The following FSTL5 variants were observed in gnomAD, a reference collection of about 807,000 sequenced individuals.
FSTL5 encodes follistatin-related protein 5.
FSTL5 carries 62 observed loss-of-function variants against 89.1 expected under a neutral mutation model. The ratio of observed to expected loss-of-function variants is 0.70; its 90% CI spans 0.57 to 0.86. The LOEUF (loss-of-function observed/expected upper bound fraction) is 0.86. Among genes scored for constraint, FSTL5 ranks in the 40% least tolerant of loss-of-function variants. The pLI, the probability that FSTL5 is intolerant of heterozygous loss-of-function variation, is 0.00. For synonymous variants in FSTL5, 383 were observed against 346.2 expected (o/e 1.11, Z -1.18); for missense variants, 1,057 against 1,001.6 (o/e 1.06, Z -0.75).
intron 3 of FSTL5, among the ~76,000 whole-genome samples, chr4:161,994,717 T>C (rs997847050): frequency 3.3e-5 from 5 of 152,228 alleles, no homozygotes; most frequent in African/African-American, 1.2e-4. Context: ...TCCTACTTTT[T>C]AATGAGGTGT....
chr4:161,654,047 T>G (rs1405084059), intron 7 of FSTL5, among the ~76,000 whole-genome samples: 3 of 152,072 alleles, frequency 2.0e-5, no homozygotes, highest in Non-Finnish European at 4.4e-5. Context: ...TCCAATAAAG[T>G]GTATTTGTGC....
chr4:161,685,796 A>G (rs13114274), intron 6 of FSTL5, among the ~76,000 whole-genome samples: 148,000 of 152,214 alleles, frequency 0.97, 72,093 homozygotes, highest in East Asian at 1. Context: ...CCAGTACTAT[A>G]TTGAAGAGGA....
At chr4:161,769,810 A>G (rs1741145540) in intron 5 of FSTL5, among the ~76,000 whole-genome samples, 2 of 151,980 alleles carry the variant, frequency 1.3e-5, no homozygotes, top group African/African-American at 4.8e-5. Context: ...AGTCCTAGCT[A>G]GAGCAATCAG....
chr4:161,500,825 A>G (rs558004466), intron 11 of FSTL5, among the ~76,000 whole-genome samples: 6 of 152,018 alleles, frequency 3.9e-5, no homozygotes, highest in Non-Finnish European at 8.8e-5. Context: ...ATCTCCCCCC[A>G]CTTTCTAAAT....
chr4:162,074,973 C>T (rs1315123247), intron 2 of FSTL5, among the ~76,000 whole-genome samples: 1 of 151,698 alleles, frequency 6.6e-6, no homozygotes, highest in Non-Finnish European at 1.5e-5. Flanking sequence ...TAGCTCATGT[C>T]ATTTATTGAA....
At chr4:161,620,620 C>A (rs935500860) in intron 7 of FSTL5, among the ~76,000 whole-genome samples, 3 of 152,110 alleles carry the variant, frequency 2.0e-5, no homozygotes, top group Non-Finnish European at 4.4e-5. Context: ...CGCGCCATTG[C>A]ACTCCAGCCT....
chr4:161,566,234 A>G (rs548985466), intron 8 of FSTL5, among the ~76,000 whole-genome samples: 214 of 150,618 alleles, frequency 1.4e-3, no homozygotes, highest in South Asian at 8.8e-3. Context: ...ACTGTAAGCA[A>G]TTATCCTAAG....
intron 10 of FSTL5, among the ~76,000 whole-genome samples, chr4:161,514,966 T>C (rs1730766843): frequency 6.6e-6 from 1 of 152,018 alleles, no homozygotes; most frequent in Admixed American, 6.6e-5. Flanking sequence ...TGTAGCAAAT[T>C]AAATGTAACA....
At chr4:161,715,822 C>T (rs1269472652) in intron 6 of FSTL5, among the ~76,000 whole-genome samples, 1 of 152,172 alleles carries the variant, frequency 6.6e-6, no homozygotes, top group East Asian at 1.9e-4. Context: ...ACTTATTCTA[C>T]ATCCAATCAA....
intron 4 of FSTL5, among the ~76,000 whole-genome samples, chr4:161,896,158 C>T (rs538601710): frequency 8.5e-5 from 13 of 152,242 alleles, no homozygotes; most frequent in East Asian, 5.8e-4. Flanking sequence ...ACTCTCAAAA[C>T]GACTGCCAAT....
chr4:161,692,625 G>A (rs55920117), intron 6 of FSTL5, among the ~76,000 whole-genome samples: 42,370 of 151,974 alleles, frequency 0.28, 6,625 homozygotes, highest in Middle Eastern at 0.41. Flanking sequence ...ATGTGTCCAG[G>A]GGGACAACCC....
chr4:161,684,342 G>A (rs1192886688), intron 6 of FSTL5, among the ~76,000 whole-genome samples: 2 of 152,126 alleles, frequency 1.3e-5, no homozygotes, highest in African/African-American at 2.4e-5. Flanking sequence ...GATCTTTAAG[G>A]AATTTCCACA....
chr4:161,938,697 T>C (rs764426556), intron 3 of FSTL5, among the ~76,000 whole-genome samples: 21 of 152,052 alleles, frequency 1.4e-4, no homozygotes, highest in Non-Finnish European at 2.9e-4. Flanking sequence ...TAAAGAAATA[T>C]TGGAATGTAT....
intron 2 of FSTL5, among the ~76,000 whole-genome samples, chr4:162,083,794 T>C (rs1403408868): frequency 6.6e-6 from 1 of 151,732 alleles, no homozygotes; most frequent in Non-Finnish European, 1.5e-5. Flanking sequence ...CTATGAAACA[T>C]TACTGAAAAC....
chr4:161,948,122 T>A (rs9996797), intron 3 of FSTL5, among the ~76,000 whole-genome samples: 48,594 of 147,898 alleles, frequency 0.33, 9,408 homozygotes, highest in Non-Finnish European at 0.43. Flanking sequence ...ACAGAAAATT[T>A]AAAAAAAAAA....
chr4:162,069,738 G>T (rs886704574), intron 2 of FSTL5, among the ~76,000 whole-genome samples: 2 of 151,874 alleles, frequency 1.3e-5, no homozygotes, highest in African/African-American at 4.8e-5. Flanking sequence ...CCTGTTTGTG[G>T]CTAACTAGTA....
intron 4 of FSTL5, among the ~76,000 whole-genome samples, chr4:161,805,071 C>A (rs1376097597): frequency 6.6e-6 from 1 of 151,994 alleles, no homozygotes; most frequent in Non-Finnish European, 1.5e-5. Context: ...TCTGTAGGAC[C>A]ATCCCATTTC....
chr4:161,617,160 CAT>C (rs1734902970), intron 7 of FSTL5, among the ~76,000 whole-genome samples: 1 of 151,590 alleles, frequency 6.6e-6, no homozygotes, highest in African/African-American at 2.4e-5. Context: ...AATATAAACT[CAT>C]ATTTATATAA....
At chr4:161,925,269 A>T (rs1734092030) in intron 3 of FSTL5, among the ~76,000 whole-genome samples, 1 of 151,968 alleles carries the variant, frequency 6.6e-6, no homozygotes. Flanking sequence ...TCATATTTAC[A>T]TACTCTAGAA....
Sources: allele counts gnomAD v4.1 joint callset (sites outside exome capture counted in the v4.1 genomes callset), GRCh38; gene constraint gnomAD v4.1.1; transcripts MANE v1.5; gene names NCBI Gene and HGNC (gene_info 2026-07-23, HGNC 2026-07-21).